The following SMARCA4 variants were observed in gnomAD, a reference collection of about 807,000 sequenced individuals.
The protein encoded by SMARCA4 is SWI/SNF-related matrix-associated actin-dependent regulator of chromatin subfamily A member 4.
A neutral mutation model predicts 193.9 loss-of-function variants in SMARCA4; 31 were observed. That is an observed-to-expected ratio of 0.16 (90% confidence interval 0.12 to 0.22). The LOEUF (loss-of-function observed/expected upper bound fraction) is 0.22. Ranked by LOEUF, SMARCA4 falls within the 10% of genes least tolerant of loss-of-function variation. The probability of loss-of-function intolerance (pLI) is 1.00; values close to 1 mark genes in which losing one functional copy is unlikely to be tolerated. For missense variants in SMARCA4, 1,148 were observed against 2,296.0 expected, an observed-to-expected ratio of 0.50 and a Z score of 10.22; for synonymous variants, 942 against 933.1, an observed-to-expected ratio of 1.01 and a Z score of -0.17.
intron 11 of SMARCA4, among the ~76,000 whole-genome samples, chr19:10,998,101 G>A (rs1343528575): frequency 6.6e-6 from 1 of 151,878 alleles, no homozygotes; most frequent in South Asian, 2.1e-4. Context: ...TGCCCAGGCT[G>A]GTCTTGAACT....
chr19:11,007,951 T>TGGA lies in SMARCA4; in HGVS notation c.2056_2058dup (p.Glu686dup), dbSNP rs1172379657. The TGGA allele has an allele frequency of 6.2e-7, 1 of 1,613,392 alleles. No individual in the cohort carries two copies. The highest frequency in any genetic ancestry group is 8.5e-7 in the Non-Finnish European group (1 of 1,179,670). ...GCAGCACAGCCTCCCACCCTGCCCG[T>TGGA]GGAGGAGAAGAAGAAGATTCCAGAT... On this transcript the variant is annotated inframe_insertion, in exon 14 of 35. Transcript: ENST00000344626.
intron 7 of SMARCA4, 52 bp downstream of exon 7, chr19:10,989,495 C>G (rs2145852528): frequency 2.5e-6 from 4 of 1,604,048 alleles, no homozygotes; most frequent in African/African-American, 1.3e-5. Context: ...GTCACCAACA[C>G]TGCTGCTAAG....
chr19:10,976,998 A>C (rs890815890), intron 1 of SMARCA4, among the ~76,000 whole-genome samples: 3 of 151,964 alleles, frequency 2.0e-5, no homozygotes, highest in African/African-American at 7.2e-5. Context: ...CGGAGGTTGC[A>C]GTGAGCCAAG....
chr19:11,056,828 C>T (rs539580744), intron 30 of SMARCA4, among the ~76,000 whole-genome samples: 10 of 152,344 alleles, frequency 6.6e-5, no homozygotes, highest in South Asian at 2.1e-4. Context: ...AAGCCTGGCC[C>T]GTCTGCCCCT....
intron 11 of SMARCA4, among the ~76,000 whole-genome samples, chr19:10,998,753 A>G (rs1253780626): frequency 5.3e-5 from 8 of 152,158 alleles, no homozygotes; most frequent in Non-Finnish European, 1.5e-5. Flanking sequence ...TTTAGCCAGC[A>G]GGAGCCCCTT....
intron 1 of SMARCA4, chr19:10,983,844 C>T: frequency 3.8e-6 from 2 of 525,554 alleles, no homozygotes; most frequent in Non-Finnish European, 6.9e-6. Context: ...CTGCCGTGAT[C>T]AGGAATATGG....
intron 23 of SMARCA4, among the ~76,000 whole-genome samples, chr19:11,027,337 G>T (rs576506444): frequency 3.7e-4 from 57 of 152,292 alleles, no homozygotes; most frequent in African/African-American, 1.3e-3. Flanking sequence ...TTGGGGTTTG[G>T]CTGGAGAGAA....
chr19:11,042,538 C>G (rs2075680123), intron 30 of SMARCA4, among the ~76,000 whole-genome samples: 1 of 152,198 alleles, frequency 6.6e-6, no homozygotes, highest in Non-Finnish European at 1.5e-5. Context: ...TTTTAAATAA[C>G]AGTTTGCTGT....
At chr19:11,038,258 C>G (rs79684898) in intron 29 of SMARCA4, among the ~76,000 whole-genome samples, 7,374 of 152,312 alleles carry the variant, frequency 0.048, 245 homozygotes, top group South Asian at 0.11. Context: ...ATCTCTGCCT[C>G]TGTCTTCATG....
In SMARCA4 at chr19:11,041,444, G is replaced by A. The variant is rs878854226; in HGVS notation, c.4308G>A (p.Glu1436=). 16 of 1,612,572 alleles carry A rather than the reference G, an allele frequency of 9.9e-6. No homozygotes were observed. Among genetic ancestry groups the A allele is most frequent in the Non-Finnish European group, 1.4e-5 (16 of 1,179,968 alleles). Residue 1436 remains glutamate, a synonymous_variant, in exon 30 of 35, where the codon GAG becomes GAA. Coordinates refer to ENST00000344626, the MANE Select transcript of SMARCA4 (RefSeq NM_003072.5). This position sits in a 1 kb window ranked among gnomAD's most constrained non-coding sequence, Gnocchi z 5.6. ...CCCGCAGCCGCGACAAGGACGACGA[G>A]AGCAAGAAGCAGAAGAAGCGCGGGC... ...TSTRSRDKDD[E]SKKQKKRGRP... is the part of the protein sequence containing the mutation.
At chr19:11,057,297 C>T (rs2076599912) in intron 30 of SMARCA4, among the ~76,000 whole-genome samples, 1 of 152,240 alleles carries the variant, frequency 6.6e-6, no homozygotes, top group South Asian at 2.1e-4. Flanking sequence ...GAGCCAGGCT[C>T]AGGTATGGGT....
intron 23 of SMARCA4, 57 bp from the exon 24 acceptor site, chr19:11,027,727 T>C (rs2146538470): frequency 6.2e-7 from 1 of 1,601,490 alleles, no homozygotes; most frequent in Non-Finnish European, 8.6e-7. Flanking sequence ...CTTACCTGCC[T>C]GCAGGGTTCC....
chr19:10,985,191 AGCTTCTCTCGG>A lies in SMARCA4; in HGVS notation c.223-79_223-69del, dbSNP rs1181740631. On this transcript the variant is annotated intron_variant, in intron 2 of 34. Coordinates refer to ENST00000344626, the MANE Select transcript of SMARCA4 (RefSeq NM_003072.5). This position sits in a 1 kb window ranked among gnomAD's most constrained non-coding sequence, Gnocchi z 4.5. ...CGGGTGGCTGTTCTCGGTGCCCTCG[AGCTTCTCTCGG>A]GCAGCGCATAGCTGCGCTGCCACCT... 22 of 1,482,980 alleles carry A rather than the reference AGCTTCTCTCGG, an allele frequency of 1.5e-5. No homozygotes were observed. Among genetic ancestry groups the A allele is most frequent in the Non-Finnish European group, 2.1e-5 (22 of 1,063,962 alleles). 91.9% of individuals were successfully genotyped at this position (1,482,980 alleles called of 1,614,324 possible).
rs371307719 is a variant in SMARCA4 at position 11,058,223 on chromosome 19, C to T, written c.4425-32C>T. On this transcript the variant is annotated intron_variant, in intron 30 of 34. Transcript: ENST00000344626. This position sits in a 1 kb window ranked among gnomAD's most constrained non-coding sequence, Gnocchi z 5.8. The stretch of plus-strand genomic sequence containing the variant: ...GTGGGGGCTCCCGGGTGGGCGGACT[C>T]GGGGGTGATAGCCGCCGGTTCTGCC... 6.6e-5 allele frequency: 99 copies of T among 1,504,950 alleles called. No homozygotes were observed. The highest frequency in any genetic ancestry group is 4.6e-4 in the African/African-American group (33 of 72,498). The allele number at this position is 1,504,950 out of a possible 1,614,324, so 93.2% of individuals were successfully genotyped here.
rs2086082190 is a variant in SMARCA4, at chr19:10,986,767, C to T, written c.761-138C>T. Reference sequence around the variant, plus strand: ...TGGGGGCAGCTAAATGCTGCTTCCCCAGCTCCCCGCTTCCCCTGGGGCCGC... The same window carrying T: ...TGGGGGCAGCTAAATGCTGCTTCCCTAGCTCCCCGCTTCCCCTGGGGCCGC... On this transcript the variant is annotated intron_variant, in intron 4 of 34. Transcript: ENST00000344626. The surrounding 1 kb of genome is among the most constrained non-coding windows in gnomAD (Gnocchi z 6.7). 8.3e-7 allele frequency: 1 copy of T among 1,211,642 alleles called. No individual in the cohort carries two copies. Among genetic ancestry groups the T allele is most frequent in the African/African-American group, 1.5e-5 (1 of 66,908 alleles). The allele number at this position is 1,211,642 out of a possible 1,614,324, so 75.1% of individuals were successfully genotyped here. A position where few individuals can be genotyped will look rare whatever the true frequency, so the allele number is the denominator to read the frequency against.
rs776434589 is a variant in SMARCA4, at chr19:11,059,710, C to T, written c.4636-43C>T. 10 of 1,549,578 alleles carry T rather than the reference C, an allele frequency of 6.5e-6. No homozygotes were observed. In the African/African-American group the frequency reaches 1.2e-4, roughly 19 times the overall value. ...GGGCCAGGGCCGGGCAGGCAGCCCTCCAGTCGGGCCCATCCACTCAAGCCC... is the reference window on the plus strand; with the variant it reads ...GGGCCAGGGCCGGGCAGGCAGCCCTTCAGTCGGGCCCATCCACTCAAGCCC... On this transcript the variant is annotated intron_variant, in intron 32 of 34. Coordinates refer to ENST00000344626, the MANE Select transcript of SMARCA4 (RefSeq NM_003072.5).
At chr19:10,963,390 AAG>A (rs1271923685) in intron 1 of SMARCA4, among the ~76,000 whole-genome samples, 23 of 143,378 alleles carry the variant, frequency 1.6e-4, no homozygotes, top group Non-Finnish European at 2.2e-4. Flanking sequence ...AAAAAAAAAA[AAG>A]AAAAAGAAAG....
At chr19:10,995,120 C>T (rs1468332158) in intron 9 of SMARCA4, 119 bp downstream of exon 9, 2 of 978,360 alleles carry the variant, frequency 2.0e-6, no homozygotes, top group Non-Finnish European at 3.2e-6. Context: ...AGAGGTGGGA[C>T]AGAGGGAAAA....
chr19:11,036,338 G>A (rs2075268143), intron 29 of SMARCA4, among the ~76,000 whole-genome samples: 1 of 152,144 alleles, frequency 6.6e-6, no homozygotes, highest in Non-Finnish European at 1.5e-5. Context: ...ACCCAGGCTG[G>A]CCTCCAGTTC....
Sources: allele counts gnomAD v4.1 joint callset (sites outside exome capture counted in the v4.1 genomes callset), GRCh38; gene constraint gnomAD v4.1.1; non-coding constraint Gnocchi (gnomAD v3.1); transcripts MANE v1.5; gene names NCBI Gene and HGNC (gene_info 2026-07-23, HGNC 2026-07-21).